The following CHMP3 variants were observed in gnomAD, a reference collection of about 807,000 sequenced individuals.
CHMP3 encodes the protein charged multivesicular body protein 3.
A neutral mutation model predicts 27.4 loss-of-function variants in CHMP3; 8 were observed. The observed-to-expected ratio is 0.29, with a 90% CI of 0.17 to 0.53. The LOEUF (loss-of-function observed/expected upper bound fraction) is 0.53, where lower values mean the gene tolerates loss of function less well. Among genes scored for constraint, CHMP3 ranks in the 20% least tolerant of loss-of-function variants. The pLI, the probability that CHMP3 is intolerant of heterozygous loss-of-function variation, is 0.96. For missense variants in CHMP3, 208 were observed against 271.5 expected (o/e 0.77, Z 1.64); for synonymous variants, 86 against 85.5 (o/e 1.01, Z -0.03).
At chr2:86,559,123 C>T (rs1447089662) in intron 1 of CHMP3, among the ~76,000 whole-genome samples, 1 of 152,162 alleles carries the variant, frequency 6.6e-6, no homozygotes, top group Non-Finnish European at 1.5e-5. Flanking sequence ...AGATCAGCCC[C>T]CACCCAATGT....
intron 3 of CHMP3, among the ~76,000 whole-genome samples, chr2:86,519,420 T>C (rs963775828): frequency 2.6e-5 from 4 of 151,994 alleles, no homozygotes; most frequent in Admixed American, 2.6e-4. Context: ...CAAAGCCATT[T>C]CTGTGGGAAG....
At chr2:86,510,984 G>A (rs2104743417) in intron 3 of CHMP3, 1 of 152,688 alleles carries the variant, frequency 6.5e-6, no homozygotes, top group Middle Eastern at 3.4e-3. Context: ...GTGTGTCAAT[G>A]TGAGGTGGTT....
intron 1 of CHMP3, among the ~76,000 whole-genome samples, chr2:86,546,984 C>G (rs1424621357): frequency 6.6e-6 from 1 of 152,058 alleles, no homozygotes; most frequent in African/African-American, 2.4e-5. Flanking sequence ...TTGAAAAAGT[C>G]CAGTTTATCT....
chr2:86,531,551 T>C (rs574254029), intron 2 of CHMP3, among the ~76,000 whole-genome samples: 24 of 152,160 alleles, frequency 1.6e-4, no homozygotes, highest in Non-Finnish European at 2.5e-4. Context: ...GTTCTTCAAG[T>C]TGTGAAGTTT....
intron 5 of CHMP3, among the ~76,000 whole-genome samples, chr2:86,506,722 C>G (rs1391125892): frequency 1.3e-5 from 2 of 151,266 alleles, no homozygotes; most frequent in Admixed American, 6.6e-5. Context: ...ATCCTCCCAC[C>G]TCAGTCTCCC....
At chr2:86,544,455 A>G (rs2103991932) in intron 1 of CHMP3, among the ~76,000 whole-genome samples, 1 of 152,090 alleles carries the variant, frequency 6.6e-6, no homozygotes, top group East Asian at 1.9e-4. Context: ...ACACGTGAAC[A>G]AAGGTCTCTG....
rs12714191 is a variant in CHMP3, at chr2:86,556,509, T to C, written c.45+6795A>G. 9.2e-3 allele frequency among the ~76,000 whole-genome samples: 1,399 copies of C among 152,284 alleles called. 6 individuals are homozygous for C. Among genetic ancestry groups the C allele is most frequent in the Non-Finnish European group, 0.013 (898 of 68,020 alleles). The stretch of plus-strand genomic sequence containing the variant: ...GCTTCATGGAAGGTCGGGAGGTTTT[T>C]ACAAAAGCTTCAGAAAAGGATTTGG... On this transcript the variant is annotated intron_variant, in intron 1 of 5. Coordinates refer to ENST00000263856, the MANE Select transcript of CHMP3 (RefSeq NM_016079.4).
Position 86,563,402 on chromosome 2 carries a change from A to G in CHMP3, c.-54T>C. Reference sequence around the variant, plus strand: ...GGCTTTCAGTTCCCCGCGCCCAGGCAGGTCACGGGCAGCCGCCTGGGCGGG... The same window carrying G: ...GGCTTTCAGTTCCCCGCGCCCAGGCGGGTCACGGGCAGCCGCCTGGGCGGG... On this transcript the variant is annotated 5_prime_UTR_variant, in exon 1 of 6. Transcript: ENST00000263856. 2 of 1,603,402 alleles carry G rather than the reference A, an allele frequency of 1.2e-6. No homozygotes were observed. The highest frequency in any genetic ancestry group is 1.8e-4 in the Middle Eastern group (1 of 5,502).
intron 3 of CHMP3, chr2:86,527,217 T>C (rs902405054): frequency 1.3e-5 from 2 of 151,642 alleles, no homozygotes; most frequent in Admixed American, 6.6e-5. Flanking sequence ...AAGACCATCC[T>C]GGGCAACATG....
intron 3 of CHMP3, 90 bp downstream of exon 3, chr2:86,529,128 G>A: frequency 7.5e-7 from 1 of 1,329,796 alleles, no homozygotes; most frequent in Non-Finnish European, 9.9e-7. Flanking sequence ...ATAAAAACCA[G>A]AGTTGAGTTT....
chr2:86,542,337 TGAG>T (rs772616308), intron 1 of CHMP3, 25 bp from the exon 2 acceptor site: 3 of 1,611,110 alleles, frequency 1.9e-6, no homozygotes, highest in African/African-American at 2.7e-5. Flanking sequence ...AGAAAAGGAA[TGAG>T]GAGAAAAGCC....
Position 86,563,308 on chromosome 2 carries a change from T to C in CHMP3, c.41A>G (p.Glu14Gly). The C allele has an allele frequency of 6.2e-7, 1 of 1,614,076 alleles. No homozygotes were observed. The highest frequency in any genetic ancestry group is 8.5e-7 in the Non-Finnish European group (1 of 1,179,932). ...TGCCGCCGCCGTAGCCCTTACCAGT[T>C]CTTTGGGCGGCTTCTCCTGGGTCTT... Reference protein sequence around the residue: ...FGKTQEKPPKELVNEWSLKIR... With the variant: ...FGKTQEKPPKGLVNEWSLKIR... Residue 14 changes from glutamate to glycine, a missense_variant, in exon 1 of 6, where the codon GAA becomes GGA. Glu to Gly is a moderately conservative substitution (Grantham distance 98). Transcript: ENST00000263856.
intron 1 of CHMP3, among the ~76,000 whole-genome samples, chr2:86,555,019 G>T (rs1677064687): frequency 6.6e-6 from 1 of 151,826 alleles, no homozygotes; most frequent in South Asian, 2.1e-4. Flanking sequence ...GCTAATTTTT[G>T]TATTTTTTAG....
chr2:86,526,703 CATAG>C, intron 3 of CHMP3, among the ~76,000 whole-genome samples: 1 of 151,844 alleles, frequency 6.6e-6, no homozygotes, highest in East Asian at 1.9e-4. Context: ...TACACATACA[CATAG>C]ATAATTTTAT....
At chr2:86,521,905 A>C (rs190185195) in intron 3 of CHMP3, among the ~76,000 whole-genome samples, 14 of 152,312 alleles carry the variant, frequency 9.2e-5, no homozygotes, top group Admixed American at 5.9e-4. Flanking sequence ...TGGCATCCAA[A>C]TACCTATTTG....
At chr2:86,510,313 T>G (rs185792358) in intron 4 of CHMP3, 45 bp downstream of exon 4, 3 of 1,591,822 alleles carry the variant, frequency 1.9e-6, no homozygotes, top group African/African-American at 2.7e-5. Flanking sequence ...TTGTTTAGAG[T>G]GACTCTGGGG....
chr2:86,552,410 C>T (rs933842996), intron 1 of CHMP3, among the ~76,000 whole-genome samples: 1 of 152,080 alleles, frequency 6.6e-6, no homozygotes, highest in African/African-American at 2.4e-5. Context: ...TAGAACACTG[C>T]CAGCTAAAAA....
intron 1 of CHMP3, among the ~76,000 whole-genome samples, chr2:86,558,727 C>T (rs1677226162): frequency 6.6e-6 from 1 of 152,134 alleles, no homozygotes; most frequent in East Asian, 1.9e-4. Context: ...AAGTTTATCC[C>T]AACTCAAAAA....
chr2:86,510,631 C>G, intron 3 of CHMP3, 152 bp from the exon 4 acceptor site: 1 of 1,100,028 alleles, frequency 9.1e-7, no homozygotes, highest in Non-Finnish European at 1.3e-6. Flanking sequence ...GCTAGTTGAC[C>G]AAGAGATTGA....
Sources: allele counts gnomAD v4.1 joint callset (sites outside exome capture counted in the v4.1 genomes callset), GRCh38; gene constraint gnomAD v4.1.1; transcripts MANE v1.5; gene names NCBI Gene and HGNC (gene_info 2026-07-23, HGNC 2026-07-21).